The following HPSE2 variants were observed in gnomAD, a reference collection of about 807,000 sequenced individuals.
HPSE2 encodes the protein heparanase 2 (inactive).
In HPSE2, 38 loss-of-function variants were observed where a neutral mutation model predicts 60.5. The ratio of observed to expected loss-of-function variants is 0.63; its 90% CI spans 0.48 to 0.82. The LOEUF (loss-of-function observed/expected upper bound fraction) is 0.82, where lower values mean the gene tolerates loss of function less well. HPSE2 is among the 40% of genes least tolerant of loss of function. The probability of loss-of-function intolerance (pLI) is 0.00; values close to 1 mark genes in which losing one functional copy is unlikely to be tolerated. For synonymous variants in HPSE2, 295 were observed against 293.2 expected (o/e 1.01, Z -0.06); for missense variants, 713 against 740.4 (o/e 0.96, Z 0.43).
rs1554852387 is a variant in HPSE2 at position 98,960,717 on chromosome 10, T to TTG, written c.610+183520_610+183521insCA. On this transcript the variant is annotated intron_variant, in intron 3 of 11. Coordinates refer to ENST00000370552, the MANE Select transcript of HPSE2 (RefSeq NM_021828.5). ...TGTACATTTCTTTTTTTTTTTTTTT[T>TTG]TTTGTTTTATTTTTTTTATTTTATT... Among the ~76,000 whole-genome samples, 72 of 21,930 alleles carry TTG rather than the reference T, an allele frequency of 3.3e-3. No individual in the cohort carries two copies. The Middle Eastern group carries it at 0.05, about 15-fold the overall frequency. The allele number at this position is 21,930 out of a possible 152,430, so 14.4% of individuals were successfully genotyped here.
intron 6 of HPSE2, among the ~76,000 whole-genome samples, chr10:98,647,627 G>A (rs1308152745): frequency 1.3e-5 from 2 of 152,140 alleles, no homozygotes; most frequent in Non-Finnish European, 2.9e-5. Flanking sequence ...CTGCCGCCTC[G>A]AAGCAAACAC....
intron 3 of HPSE2, among the ~76,000 whole-genome samples, chr10:99,098,557 C>T (rs1340940915): frequency 1.3e-5 from 2 of 152,100 alleles, no homozygotes; most frequent in Admixed American, 1.3e-4. Context: ...TTCTTATGTG[C>T]CACTTTTATT....
the HPSE2 span, among the ~76,000 whole-genome samples, chr10:99,280,112 C>G: frequency 6.6e-6 from 1 of 152,200 alleles, no homozygotes; most frequent in Non-Finnish European, 1.5e-5. Flanking sequence ...CTCTTCAGCT[C>G]TCTGAATCAG....
intron 2 of HPSE2, among the ~76,000 whole-genome samples, chr10:99,155,637 C>T (rs1270700681): frequency 2.1e-5 from 3 of 145,386 alleles, no homozygotes; most frequent in Non-Finnish European, 4.5e-5. Context: ...ACTAAATGCC[C>T]ACAAGAGAAA....
chr10:99,161,782 A>C (rs1846856958), intron 2 of HPSE2, among the ~76,000 whole-genome samples: 1 of 152,238 alleles, frequency 6.6e-6, no homozygotes, highest in Non-Finnish European at 1.5e-5. Flanking sequence ...GAAGTAACTT[A>C]AGTGTCTATC....
chr10:99,305,226 C>T, the HPSE2 span, among the ~76,000 whole-genome samples: 2 of 151,940 alleles, frequency 1.3e-5, no homozygotes, highest in Non-Finnish European at 2.9e-5. Flanking sequence ...CCCAATAAAT[C>T]TGTGATATTT....
the HPSE2 span, among the ~76,000 whole-genome samples, chr10:99,262,574 A>C: frequency 3.9e-5 from 6 of 152,236 alleles, no homozygotes; most frequent in African/African-American, 1.2e-4. Context: ...GCTTAATGCC[A>C]ATATCCCATC....
chr10:99,060,622 C>A (rs926750735), intron 3 of HPSE2, among the ~76,000 whole-genome samples: 1 of 125,266 alleles, frequency 8.0e-6, no homozygotes, highest in Non-Finnish European at 1.6e-5. Context: ...TGGGCCATTG[C>A]GCTCCAGCCT....
At chr10:98,772,767 C>T (rs1339337050) in intron 3 of HPSE2, among the ~76,000 whole-genome samples, 2 of 152,148 alleles carry the variant, frequency 1.3e-5, no homozygotes, top group Non-Finnish European at 2.9e-5. Context: ...AGATTTTATT[C>T]CTTGGACATG....
the HPSE2 span, among the ~76,000 whole-genome samples, chr10:99,285,761 C>CA: frequency 1.3e-5 from 2 of 151,904 alleles, no homozygotes; most frequent in East Asian, 1.9e-4. Flanking sequence ...CCCGTCTCTA[C>CA]AAAAAATACA....
chr10:99,207,479 C>T (rs906134542), intron 2 of HPSE2, among the ~76,000 whole-genome samples: 12 of 152,082 alleles, frequency 7.9e-5, no homozygotes, highest in African/African-American at 2.7e-4. Flanking sequence ...AAAAGGGAGT[C>T]GAATTCAGAA....
chr10:99,194,408 A>G (rs1848323121), intron 2 of HPSE2, among the ~76,000 whole-genome samples: 1 of 151,936 alleles, frequency 6.6e-6, no homozygotes, highest in Non-Finnish European at 1.5e-5. Flanking sequence ...CAATAGAAAA[A>G]AGAAATAATA....
chr10:98,708,194 C>A (rs1037604747), intron 5 of HPSE2, among the ~76,000 whole-genome samples: 1 of 152,062 alleles, frequency 6.6e-6, no homozygotes, highest in Non-Finnish European at 1.5e-5. Context: ...CGGTGGCTCA[C>A]GCCTGTAATC....
chr10:98,945,040 C>CT (rs1233491561), intron 3 of HPSE2, among the ~76,000 whole-genome samples: 2 of 152,126 alleles, frequency 1.3e-5, no homozygotes, highest in Admixed American at 6.5e-5. Flanking sequence ...TGCAAATTCA[C>CT]TTAGGTGCAA....
chr10:99,006,483 G>T (rs1055352779), intron 3 of HPSE2, among the ~76,000 whole-genome samples: 1 of 152,200 alleles, frequency 6.6e-6, no homozygotes, highest in African/African-American at 2.4e-5. Context: ...AGCCTGAAAA[G>T]GGGCTGCAAC....
chr10:98,845,441 G>C (rs1952012125), intron 3 of HPSE2, among the ~76,000 whole-genome samples: 1 of 152,168 alleles, frequency 6.6e-6, no homozygotes, highest in Admixed American at 6.5e-5. Context: ...GATCTATATA[G>C]CAAATCACAA....
chr10:99,089,437 C>T lies in HPSE2; in HGVS notation c.610+54801G>A, dbSNP rs143734181. 9.9e-5 allele frequency among the ~76,000 whole-genome samples: 15 copies of T among 152,262 alleles called. 1 individual carries two copies. In the East Asian group the frequency reaches 2.9e-3, roughly 29 times the overall value. On this transcript the variant is annotated intron_variant, in intron 3 of 11. Transcript: ENST00000370552. Reference sequence around the variant, plus strand: ...CCATTTGTTGAACAGGGTGTCCTATCCCCACTTTGTTTTTGTTTGCTTTGT... The same window carrying T: ...CCATTTGTTGAACAGGGTGTCCTATTCCCACTTTGTTTTTGTTTGCTTTGT...
At chr10:98,832,028 C>T (rs551145198) in intron 3 of HPSE2, among the ~76,000 whole-genome samples, 1 of 152,122 alleles carries the variant, frequency 6.6e-6, no homozygotes, top group African/African-American at 2.4e-5. Flanking sequence ...TCTCCCCCAT[C>T]AATAAAGTGG....
chr10:98,574,984 T>C (rs1014957593), intron 9 of HPSE2, among the ~76,000 whole-genome samples: 16 of 152,264 alleles, frequency 1.1e-4, no homozygotes, highest in African/African-American at 3.8e-4. Flanking sequence ...GGACATTTTG[T>C]CCTTTTTCTT....
Sources: gnomAD v4.1 joint callset for allele counts (sites outside exome capture counted in the v4.1 genomes callset) on GRCh38, gnomAD v4.1.1 for gene constraint, MANE v1.5 for transcripts, NCBI Gene and HGNC (gene_info 2026-07-23, HGNC 2026-07-21) for gene names.